TWF2: variants seen among roughly 807,000 people sequenced by gnomAD.
The protein encoded by TWF2 is twinfilin actin binding protein 2.
Under a neutral mutation model 45.1 loss-of-function variants are expected in TWF2, and 15 were observed. The ratio of observed to expected loss-of-function variants is 0.33; its 90% CI spans 0.22 to 0.51. TWF2 has a LOEUF of 0.51. Among genes scored for constraint, TWF2 ranks in the 20% least tolerant of loss-of-function variants. TWF2 has a pLI of 0.97. For missense variants in TWF2, 423 were observed against 469.1 expected (o/e 0.90, Z 0.91); for synonymous variants, 177 against 195.8 (o/e 0.90, Z 0.80).
In TWF2 at chr3:52,231,831, C is replaced by T. The variant is rs1034668323; in HGVS notation, c.282+113G>A. 145 of 1,452,006 alleles carry T rather than the reference C, an allele frequency of 1.0e-4. No homozygotes were observed. The East Asian group carries it at 3.3e-3, about 33-fold the overall frequency. The allele number at this position is 1,452,006 out of a possible 1,614,324, so 89.9% of individuals were successfully genotyped here. A position where few individuals can be genotyped will look rare whatever the true frequency, so the allele number is the denominator to read the frequency against. On this transcript the variant is annotated intron_variant, in intron 3 of 8. Transcript: ENST00000305533. ...CCTAGGGCACGGCCTGACAGCTCTT[C>T]CCCCACCCTCCAGGGGCAGGCCTGT...
chr3:52,230,812 G>A, intron 6 of TWF2, 58 bp downstream of exon 6: 2 of 1,575,820 alleles, frequency 1.3e-6, no homozygotes, highest in Non-Finnish European at 1.7e-6. Flanking sequence ...CTGCACATGT[G>A]CATGGGCAGG....
intron 6 of TWF2, among the ~76,000 whole-genome samples, chr3:52,230,462 G>C (rs1419430484): frequency 6.6e-6 from 1 of 152,196 alleles, no homozygotes; most frequent in African/African-American, 2.4e-5. Flanking sequence ...GCGGCAGCCG[G>C]AACAGCCAGG....
At chr3:52,233,775 G>A (rs566449614) in intron 2 of TWF2, among the ~76,000 whole-genome samples, 2 of 152,174 alleles carry the variant, frequency 1.3e-5, no homozygotes, top group East Asian at 1.9e-4. Flanking sequence ...TTAGCCGGGC[G>A]CAGTGGTGGT....
chr3:52,238,916 A>AG, intron 1 of TWF2, 76 bp downstream of exon 1: 1 of 1,342,914 alleles, frequency 7.4e-7, no homozygotes, highest in Non-Finnish European at 9.6e-7. Context: ...GGGTGGAGGG[A>AG]GGGGCCGAGA....
intron 6 of TWF2, among the ~76,000 whole-genome samples, chr3:52,230,668 C>T (rs570162374): frequency 1.3e-5 from 2 of 152,104 alleles, no homozygotes; most frequent in East Asian, 3.9e-4. Context: ...CATCTATGTG[C>T]ACACAGTGTC....
chr3:52,231,945 G>A lies in TWF2; in HGVS notation c.281C>T (p.Pro94Leu). 6.2e-7 allele frequency: 1 copy of A among 1,612,250 alleles called. No individual in the cohort carries two copies. Among genetic ancestry groups the A allele is most frequent in the African/African-American group, 1.3e-5 (1 of 75,052 alleles). ...ACTTCCCACTGGCCCAGGACTCACG[G>A]GGGAGTTATCAGGCGACCAGGCGAG... ...LFLAWSPDNS[P>L]VRLKMLYAAT... Residue 94 changes from proline to leucine, a missense_variant and splice_region_variant, in exon 3 of 9, where the codon CCC becomes CTC. By Grantham distance (98) the Pro-to-Leu change is moderately conservative (BLOSUM62 -3). Coordinates refer to ENST00000305533, the MANE Select transcript of TWF2 (RefSeq NM_007284.4).
At chr3:52,231,407 C>A (rs775018217) in intron 4 of TWF2, 37 bp downstream of exon 4, 1 of 1,607,816 alleles carries the variant, frequency 6.2e-7, no homozygotes, top group East Asian at 2.2e-5. Flanking sequence ...TCTGTGGGCC[C>A]AGGATTGTGT....
At chr3:52,234,617 C>T (rs959480827) in intron 2 of TWF2, among the ~76,000 whole-genome samples, 2 of 152,282 alleles carry the variant, frequency 1.3e-5, no homozygotes, top group African/African-American at 2.4e-5. Flanking sequence ...GGTCTCCCCT[C>T]GGACAGCAGC....
chr3:52,232,107 C>G lies in TWF2; in HGVS notation c.119G>C (p.Gly40Ala). The G allele has an allele frequency of 6.3e-7, 1 of 1,598,274 alleles. No individual in the cohort carries two copies. The highest frequency in any genetic ancestry group is 8.5e-7 in the Non-Finnish European group (1 of 1,172,580). Reference protein sequence around the residue: ...VVIEDEQLVLGASQEPVGRWD... With the variant: ...VVIEDEQLVLAASQEPVGRWD... Reference sequence around the variant, plus strand: ...GCGGCCTACTGGCTCCTGCGAGGCACCCAGCACGAGCTGCTCTGGGGGCAG... The same window carrying G: ...GCGGCCTACTGGCTCCTGCGAGGCAGCCAGCACGAGCTGCTCTGGGGGCAG... Residue 40 changes from glycine (G) to alanine (A), a missense_variant, in exon 3 of 9, where the codon GGT becomes GCT. Coordinates refer to ENST00000305533, the MANE Select transcript of TWF2 (RefSeq NM_007284.4).
chr3:52,235,928 G>A (rs1274814035), intron 1 of TWF2, among the ~76,000 whole-genome samples: 2 of 152,162 alleles, frequency 1.3e-5, no homozygotes, highest in Non-Finnish European at 2.9e-5. Flanking sequence ...TGTGGGGGGT[G>A]GGGGGACAAC....
chr3:52,230,204 G>A, intron 6 of TWF2, 134 bp from the exon 7 acceptor site: 2 of 1,221,966 alleles, frequency 1.6e-6, no homozygotes, highest in Non-Finnish European at 2.2e-6. Context: ...AGACTCCCCT[G>A]CAATGGCCAT....
At chr3:52,231,643 C>A in intron 3 of TWF2, 104 bp from the exon 4 acceptor site, 1 of 1,326,336 alleles carries the variant, frequency 7.5e-7, no homozygotes, top group Non-Finnish European at 1.0e-6. Context: ...TGCGCTGGCA[C>A]ACCTGGCAGA....
intron 1 of TWF2, among the ~76,000 whole-genome samples, chr3:52,235,403 G>GT (rs1699715493): frequency 6.6e-6 from 1 of 152,236 alleles, no homozygotes; most frequent in East Asian, 1.9e-4. Flanking sequence ...GCCAGCCACA[G>GT]TGAATAGCCT....
intron 2 of TWF2, 113 bp from the exon 3 acceptor site, chr3:52,232,235 C>T (rs1221135757): frequency 1.5e-6 from 2 of 1,318,164 alleles, no homozygotes; most frequent in East Asian, 5.1e-5. Context: ...GGCTGCCCCT[C>T]ACCTTCCCTG....
At chr3:52,236,664 A>C (rs572379215) in intron 1 of TWF2, among the ~76,000 whole-genome samples, 6 of 152,314 alleles carry the variant, frequency 3.9e-5, no homozygotes, top group African/African-American at 1.2e-4. Flanking sequence ...TTATGTCCTC[A>C]GGTGCCCCCC....
intron 2 of TWF2, among the ~76,000 whole-genome samples, chr3:52,232,792 G>A (rs1014913717): frequency 6.6e-6 from 1 of 152,202 alleles, no homozygotes; most frequent in African/African-American, 2.4e-5. Flanking sequence ...AGAGGCAGGC[G>A]GATCGCCTGA....
Position 52,228,814 on chromosome 3 carries a change from C to G in TWF2, c.*220G>C. 1 of 691,430 alleles carries G rather than the reference C, an allele frequency of 1.4e-6. No homozygotes were observed. Among genetic ancestry groups the G allele is most frequent in the South Asian group, 2.0e-5 (1 of 50,134 alleles). 42.8% of individuals were successfully genotyped at this position (691,430 alleles called of 1,614,324 possible). A position where few individuals can be genotyped will look rare whatever the true frequency, so the allele number is the denominator to read the frequency against. On this transcript the variant is annotated 3_prime_UTR_variant, in exon 9 of 9. Coordinates refer to ENST00000305533, the MANE Select transcript of TWF2 (RefSeq NM_007284.4). Reference sequence around the variant, plus strand: ...CCCCCTTAAGCCAGCCAGGCAGGGTCCCCGGACACCCTGGGCACACAGACG... The same window carrying G: ...CCCCCTTAAGCCAGCCAGGCAGGGTGCCCGGACACCCTGGGCACACAGACG...
At position 52,231,245 on chromosome 3, in the gene TWF2, G is replaced by A. The variant is rs756395812; in HGVS notation, c.379-14C>T. ...AGAGAGGTCATCCTGCAGGGGTGGG[G>A]GTGAATGCAGAGCCATAAATGGGCA... On this transcript the variant is annotated splice_polypyrimidine_tract_variant and intron_variant, in intron 4 of 8. Transcript: ENST00000305533. 6.2e-7 allele frequency: 1 copy of A among 1,613,768 alleles called. No homozygotes were observed. The highest frequency in any genetic ancestry group is 8.5e-7 in the Non-Finnish European group (1 of 1,179,724).
At chr3:52,232,255 G>C (rs1699685768) in intron 2 of TWF2, 133 bp from the exon 3 acceptor site, 2 of 1,167,926 alleles carry the variant, frequency 1.7e-6, no homozygotes, top group Non-Finnish European at 2.3e-6. Context: ...GGAGCCCCCA[G>C]GTCCCAGAAG....
Sources: gnomAD v4.1 joint callset for allele counts (sites outside exome capture counted in the v4.1 genomes callset) on GRCh38, gnomAD v4.1.1 for gene constraint, MANE v1.5 for transcripts, NCBI Gene and HGNC (gene_info 2026-07-23, HGNC 2026-07-21) for gene names.